Variants in CADM2 observed in about 807,000 individuals in gnomAD.
CADM2 encodes the protein immunoglobulin superfamily member 4D.
CADM2 carries 12 observed loss-of-function variants against 49.8 expected under a neutral mutation model. The observed-to-expected ratio is 0.24, with a 90% CI of 0.15 to 0.39. The LOEUF is 0.39. CADM2 is among the 10% of genes least tolerant of loss of function. The probability of loss-of-function intolerance (pLI) is 1.00; values close to 1 mark genes in which losing one functional copy is unlikely to be tolerated. For missense variants in CADM2, 378 were observed against 492.3 expected (o/e 0.77, Z 2.20); for synonymous variants, 214 against 175.4 (o/e 1.22, Z -1.74).
chr3:85,352,271 G>A (rs1010026320), intron 1 of CADM2, among the ~76,000 whole-genome samples: 3 of 152,034 alleles, frequency 2.0e-5, no homozygotes, highest in Admixed American at 2.0e-4. Context: ...TATTATAAAA[G>A]CAGCACTAGA....
chr3:85,832,075 A>G (rs916060173), intron 3 of CADM2, among the ~76,000 whole-genome samples: 9 of 151,952 alleles, frequency 5.9e-5, no homozygotes, highest in African/African-American at 2.2e-4. Flanking sequence ...AGCATCATTT[A>G]CTGATTAGGG....
chr3:85,408,992 C>T (rs1260387390), intron 1 of CADM2, among the ~76,000 whole-genome samples: 2 of 152,064 alleles, frequency 1.3e-5, no homozygotes, highest in Non-Finnish European at 2.9e-5. Flanking sequence ...TCCAGAAGTC[C>T]TTTTGACATT....
At chr3:85,144,251 A>G (rs982148655) in intron 1 of CADM2, among the ~76,000 whole-genome samples, 5 of 142,182 alleles carry the variant, frequency 3.5e-5, no homozygotes, top group South Asian at 2.3e-4. Context: ...ACACGCACAC[A>G]CACACACACA....
intron 1 of CADM2, among the ~76,000 whole-genome samples, chr3:85,217,633 A>T (rs561551352): frequency 2.6e-5 from 4 of 152,204 alleles, no homozygotes; most frequent in African/African-American, 9.6e-5. Flanking sequence ...ATGATTTGTT[A>T]GCAGTTATAG....
chr3:84,971,009 A>C (rs928548254), intron 1 of CADM2, among the ~76,000 whole-genome samples: 1 of 152,128 alleles, frequency 6.6e-6, no homozygotes, highest in South Asian at 2.1e-4. Flanking sequence ...GTTAAATATG[A>C]CATATTTTAA....
intron 3 of CADM2, among the ~76,000 whole-genome samples, chr3:85,810,501 C>T (rs566859342): frequency 2.0e-4 from 29 of 147,020 alleles, no homozygotes; most frequent in African/African-American, 6.9e-4. Flanking sequence ...ATATTTAATA[C>T]ATATGTTAAA....
chr3:85,130,372 A>C (rs1158832219), intron 1 of CADM2, among the ~76,000 whole-genome samples: 2 of 152,224 alleles, frequency 1.3e-5, no homozygotes, highest in Non-Finnish European at 2.9e-5. Context: ...TGAAAAAAAA[A>C]TCTGATTATC....
chr3:85,938,039 G>C (rs575736047), intron 7 of CADM2, among the ~76,000 whole-genome samples: 1 of 151,926 alleles, frequency 6.6e-6, no homozygotes, highest in Non-Finnish European at 1.5e-5. Context: ...CAGGACATTA[G>C]CATTAAAGTT....
At chr3:85,100,832 T>C (rs1041050638) in intron 1 of CADM2, among the ~76,000 whole-genome samples, 4 of 152,226 alleles carry the variant, frequency 2.6e-5, no homozygotes, top group African/African-American at 7.2e-5. Flanking sequence ...TTCAATGATG[T>C]CATATGTAAA....
At chr3:85,477,023 CTG>C (rs946885031) in intron 1 of CADM2, among the ~76,000 whole-genome samples, 5 of 150,990 alleles carry the variant, frequency 3.3e-5, no homozygotes, top group Non-Finnish European at 4.4e-5. Flanking sequence ...TTTAAGGACA[CTG>C]TATTTTCAGC....
chr3:85,144,852 T>G (rs958863847), intron 1 of CADM2, among the ~76,000 whole-genome samples: 3 of 152,200 alleles, frequency 2.0e-5, no homozygotes, highest in Non-Finnish European at 2.9e-5. Context: ...ATCACAATGT[T>G]TTTGAAAGAC....
At chr3:85,392,931 A>G (rs1191891998) in intron 1 of CADM2, among the ~76,000 whole-genome samples, 1 of 152,084 alleles carries the variant, frequency 6.6e-6, no homozygotes, top group Admixed American at 6.6e-5. Flanking sequence ...GTTGTATACT[A>G]AAACACATCT....
At chr3:85,115,702 C>T (rs576356650) in intron 1 of CADM2, among the ~76,000 whole-genome samples, 24 of 152,220 alleles carry the variant, frequency 1.6e-4, no homozygotes, top group African/African-American at 5.5e-4. Flanking sequence ...TAATATACAG[C>T]TTTAATGTTT....
At chr3:85,034,100 C>T (rs1484212085) in intron 1 of CADM2, among the ~76,000 whole-genome samples, 1 of 152,084 alleles carries the variant, frequency 6.6e-6, no homozygotes, top group African/African-American at 2.4e-5. Flanking sequence ...AACTCAATTA[C>T]TTATCCTTCC....
chr3:85,801,990 G>GTGGT, intron 2 of CADM2, 57 bp from the exon 3 acceptor site: 1 of 1,202,420 alleles, frequency 8.3e-7, no homozygotes, highest in South Asian at 2.3e-5. Flanking sequence ...TAGATCTTAG[G>GTGGT]CAGTTAATCA....
chr3:85,819,384 C>A (rs1000806774), intron 3 of CADM2, among the ~76,000 whole-genome samples: 13 of 152,088 alleles, frequency 8.5e-5, no homozygotes, highest in African/African-American at 3.1e-4. Flanking sequence ...ATCCTTCAAT[C>A]CAATCAGGTT....
chr3:85,213,423 T>A (rs1186598348), intron 1 of CADM2, among the ~76,000 whole-genome samples: 2 of 152,130 alleles, frequency 1.3e-5, no homozygotes, highest in Non-Finnish European at 2.9e-5. Context: ...AGATTTCCAT[T>A]GAGAAGTCTG....
chr3:85,554,259 T>C (rs2061892466), intron 1 of CADM2, among the ~76,000 whole-genome samples: 1 of 152,170 alleles, frequency 6.6e-6, no homozygotes, highest in South Asian at 2.1e-4. Flanking sequence ...CAGTTCACAA[T>C]AGGGTTCCTG....
At chr3:85,347,583 A>G (rs1190411727) in intron 1 of CADM2, among the ~76,000 whole-genome samples, 2 of 105,380 alleles carry the variant, frequency 1.9e-5, no homozygotes, top group Non-Finnish European at 1.9e-5. Flanking sequence ...ATATATACAT[A>G]TATACATATA....
Sources: gnomAD v4.1 joint callset for allele counts (sites outside exome capture counted in the v4.1 genomes callset) on GRCh38, gnomAD v4.1.1 for gene constraint, MANE v1.5 for transcripts, NCBI Gene and HGNC (gene_info 2026-07-23, HGNC 2026-07-21) for gene names.